Variants in RBP7 observed in about 807,000 individuals in gnomAD.
RBP7 encodes retinol binding protein 7.
RBP7 carries 13 observed loss-of-function variants against 16.7 expected under a neutral mutation model. That is an observed-to-expected ratio of 0.78 (90% CI 0.51 to 1.24). The LOEUF (loss-of-function observed/expected upper bound fraction) is 1.24. RBP7 is among the 50% of genes most tolerant of loss of function. The pLI is 0.00. For missense variants in RBP7, 145 were observed against 159.5 expected, an observed-to-expected ratio of 0.91 and a Z score of 0.49; for synonymous variants, 54 against 56.2, an observed-to-expected ratio of 0.96 and a Z score of 0.17.
intron 1 of RBP7, chr1:10,007,025 C>T (rs775422755): frequency 8.2e-5 from 32 of 388,374 alleles, no homozygotes; most frequent in Non-Finnish European, 1.1e-4. Flanking sequence ...TGGCTCACTG[C>T]AACCTCCGCC....
chr1:10,015,844 C>T lies in RBP7; in HGVS notation c.*12C>T. ...TCCAGAGAGCCTGATCCACATCCAGCAGCAGAGCCCACTTGTGGCTGCAGC... is the reference window on the plus strand; with the variant it reads ...TCCAGAGAGCCTGATCCACATCCAGTAGCAGAGCCCACTTGTGGCTGCAGC... On this transcript the variant is annotated 3_prime_UTR_variant, in exon 4 of 4. Transcript: ENST00000294435. 2 of 1,613,010 alleles carry T rather than the reference C, an allele frequency of 1.2e-6. No homozygotes were observed.
intron 1 of RBP7, among the ~76,000 whole-genome samples, chr1:10,004,524 C>A (rs929717854): frequency 6.6e-6 from 1 of 151,678 alleles, no homozygotes; most frequent in Non-Finnish European, 1.5e-5. Context: ...TACAGGCATG[C>A]GCCACCATGC....
In RBP7 at chr1:9,997,700, CGGGGTCCGGCCGGGGAGG is replaced by C. The variant is rs992423651; in HGVS notation, c.73+391_73+408del. Among the ~76,000 whole-genome samples, 10 of 151,826 alleles carry C rather than the reference CGGGGTCCGGCCGGGGAGG, an allele frequency of 6.6e-5. No individual in the cohort carries two copies. Among genetic ancestry groups the C allele is most frequent in the East Asian group, 2.0e-4 (1 of 5,124 alleles). On this transcript the variant is annotated intron_variant, in intron 1 of 3. Transcript: ENST00000294435. The surrounding 1 kb of genome is among the most constrained non-coding windows in gnomAD (Gnocchi z 5.9). Reference sequence around the variant, plus strand: ...GGCACACCTGCGGAGACTGCAGACTCGGGGTCCGGCCGGGGAGGGGGGTCCGGCCGGGGAGGGGGCGCC... The same window carrying C: ...GGCACACCTGCGGAGACTGCAGACTCGGGGTCCGGCCGGGGAGGGGGCGCC...
intron 1 of RBP7, among the ~76,000 whole-genome samples, chr1:9,998,407 C>CTTT (rs772810621): frequency 0.014 from 1,736 of 121,564 alleles, 88 homozygotes; most frequent in African/African-American, 0.053. Context: ...TTCTTTCTTT[C>CTTT]TTTTTTTTTT....
Position 10,015,822 on chromosome 1 carries a change from A to G in RBP7, c.395A>G (p.Gln132Arg), listed in dbSNP as rs1366067701. The G allele has an allele frequency of 1.9e-6, 3 of 1,614,080 alleles. No homozygotes were observed. Among genetic ancestry groups the G allele is most frequent in the Admixed American group, 1.7e-5 (1 of 59,996 alleles). ...GGTCAAGTGTGCAAACAGACATTCCAGAGAGCCTGATCCACATCCAGCAGC... is the reference window on the plus strand; with the variant it reads ...GGTCAAGTGTGCAAACAGACATTCCGGAGAGCCTGATCCACATCCAGCAGC... Reference protein sequence around the residue: ...CEGQVCKQTFQRA With the variant: ...CEGQVCKQTFRRA Residue 132 changes from glutamine (Q) to arginine (R), a missense_variant, in exon 4 of 4, where the codon CAG becomes CGG. Coordinates refer to ENST00000294435, the MANE Select transcript of RBP7 (RefSeq NM_052960.3).
At chr1:10,005,166 G>A (rs962439710) in intron 1 of RBP7, among the ~76,000 whole-genome samples, 1 of 152,066 alleles carries the variant, frequency 6.6e-6, no homozygotes, top group Admixed American at 6.6e-5. Flanking sequence ...GAGACTACAG[G>A]CATGTACCAC....
intron 3 of RBP7, among the ~76,000 whole-genome samples, chr1:10,008,641 A>T (rs1217806093): frequency 6.6e-6 from 1 of 150,408 alleles, no homozygotes; most frequent in East Asian, 2.1e-4. Flanking sequence ...GGGTTTCACC[A>T]TGTTGGCCAG....
In RBP7 at chr1:9,998,401, TTCTTTC is replaced by T. The variant is rs1300085383; in HGVS notation, c.73+1072_73+1077del. On this transcript the variant is annotated intron_variant, in intron 1 of 3. Transcript: ENST00000294435. The stretch of plus-strand genomic sequence containing the variant: ...TTGTTTTCTTTTTTTCTTTCTTTCT[TTCTTTC>T]TTTTTTTTTTTTTTTTTTGAGACGG... 6.6e-5 allele frequency among the ~76,000 whole-genome samples: 8 copies of T among 122,114 alleles called. No homozygotes were observed. The South Asian group carries it at 1.9e-3, about 28-fold the overall frequency. 80.1% of individuals were successfully genotyped at this position (122,114 alleles called of 152,430 possible).
In RBP7 at chr1:9,997,330, A is replaced by T; in HGVS notation, c.72A>T (p.Leu24=). The change falls in exon 1 of 4, where the codon CTA becomes CTT. Residue 24 remains leucine, a splice_region_variant and synonymous_variant. Transcript: ENST00000294435. The surrounding 1 kb of genome is among the most constrained non-coding windows in gnomAD (Gnocchi z 5.9). The stretch of plus-strand genomic sequence containing the variant: ...ACTTCGAGGGCTACATGCTGGCCCT[A>T]GGTAAGGCGGAGGGGAGGCGGCGGC... ...SDNFEGYMLA[L]GIDFATRKIA... 1 of 1,610,508 alleles carries T rather than the reference A, an allele frequency of 6.2e-7. No homozygotes were observed. Among genetic ancestry groups the T allele is most frequent in the South Asian group, 1.1e-5 (1 of 90,786 alleles).
intron 1 of RBP7, among the ~76,000 whole-genome samples, chr1:9,998,484 T>G (rs1291905570): frequency 6.9e-6 from 1 of 145,726 alleles, no homozygotes; most frequent in Non-Finnish European, 1.5e-5. Context: ...CTCGGCTCAC[T>G]GCAAGCTCCG....
At chr1:10,012,277 A>C (rs965450857) in intron 3 of RBP7, among the ~76,000 whole-genome samples, 1 of 150,808 alleles carries the variant, frequency 6.6e-6, no homozygotes, top group Non-Finnish European at 1.5e-5. Flanking sequence ...GCTACTCAGG[A>C]GGCTGAGGCA....
chr1:10,013,317 C>A (rs1570736028), intron 3 of RBP7, among the ~76,000 whole-genome samples: 1 of 152,210 alleles, frequency 6.6e-6, no homozygotes, highest in South Asian at 2.1e-4. Flanking sequence ...AGGTGATCCA[C>A]CCCCCTCAGC....
At chr1:10,010,096 C>T (rs543437326) in intron 3 of RBP7, among the ~76,000 whole-genome samples, 1 of 152,042 alleles carries the variant, frequency 6.6e-6, no homozygotes, top group Non-Finnish European at 1.5e-5. Flanking sequence ...GTGCTGACAA[C>T]TATTATTTTA....
At chr1:10,007,455 G>C (rs540928706) in intron 1 of RBP7, 115 bp from the exon 2 acceptor site, 193 of 780,460 alleles carry the variant, frequency 2.5e-4, no homozygotes, top group Non-Finnish European at 3.3e-5. Context: ...AAACAACATA[G>C]AAGTCGTACA....
chr1:10,003,529 G>A (rs1183895748), intron 1 of RBP7, among the ~76,000 whole-genome samples: 1 of 152,210 alleles, frequency 6.6e-6, no homozygotes, highest in East Asian at 1.9e-4. Flanking sequence ...GCCCTGAGCT[G>A]CTACTTTCTG....
At chr1:10,014,390 CT>C (rs796691409) in intron 3 of RBP7, among the ~76,000 whole-genome samples, 198 of 141,924 alleles carry the variant, frequency 1.4e-3, no homozygotes, top group Non-Finnish European at 1.4e-3. Flanking sequence ...TTTCTTTTTT[CT>C]TTTTTTTTTT....
chr1:10,013,806 G>A (rs1188985108), intron 3 of RBP7, among the ~76,000 whole-genome samples: 4 of 151,622 alleles, frequency 2.6e-5, no homozygotes, highest in Admixed American at 2.0e-4. Flanking sequence ...GCAAGACTCC[G>A]TCGCAAAAAA....
intron 1 of RBP7, among the ~76,000 whole-genome samples, chr1:9,999,355 T>A (rs1002212586): frequency 2.0e-5 from 3 of 152,104 alleles, no homozygotes; most frequent in African/African-American, 7.2e-5. Context: ...AAGACCAGCC[T>A]GGCCAACATG....
intron 1 of RBP7, among the ~76,000 whole-genome samples, chr1:10,001,176 C>T (rs967328043): frequency 6.6e-6 from 1 of 152,144 alleles, no homozygotes; most frequent in Non-Finnish European, 1.5e-5. Context: ...GAAAATCACT[C>T]CCTTTTGTCT....
Sources: allele counts gnomAD v4.1 joint callset (sites outside exome capture counted in the v4.1 genomes callset), GRCh38; gene constraint gnomAD v4.1.1; non-coding constraint Gnocchi (gnomAD v3.1); transcripts MANE v1.5; gene names NCBI Gene and HGNC (gene_info 2026-07-23, HGNC 2026-07-21).